METTL15: variants seen among roughly 807,000 people sequenced by gnomAD.
METTL15 encodes the protein methyltransferase 15, mitochondrial 12S rRNA N4-cytidine.
A neutral mutation model predicts 38.3 loss-of-function variants in METTL15; 34 were observed. The observed-to-expected ratio is 0.89, with a 90% CI of 0.68 to 1.18. The LOEUF is 1.18. Ranked by LOEUF, METTL15 falls within the 50% of genes most tolerant of loss-of-function variation. The pLI is 0.00. For synonymous variants in METTL15, 162 were observed against 170.9 expected (o/e 0.95, Z 0.41); for missense variants, 438 against 498.4 (o/e 0.88, Z 1.15).
At chr11:28,196,266 C>T (rs1851905608) in intron 3 of METTL15, among the ~76,000 whole-genome samples, 1 of 151,928 alleles carries the variant, frequency 6.6e-6, no homozygotes. Context: ...ATAGCAGTTG[C>T]ATTTAATATA....
At chr11:28,235,998 TGA>T (rs1485161557) in intron 4 of METTL15, among the ~76,000 whole-genome samples, 1 of 152,048 alleles carries the variant, frequency 6.6e-6, no homozygotes, top group Admixed American at 6.6e-5. Flanking sequence ...CCTAATTTAT[TGA>T]GAGTTTTTAG....
rs183237249 is a variant in METTL15 at position 28,253,485 on chromosome 11, A to G, written c.408-36721A>G. 1.9e-3 allele frequency among the ~76,000 whole-genome samples: 290 copies of G among 152,284 alleles called. 1 individual carries two copies. Among genetic ancestry groups the G allele is most frequent in the African/African-American group, 6.8e-3 (283 of 41,556 alleles). ...CTAATTGTACTCTTTAAGTTATTTT[A>G]AAATATACAATTAAGTTATTGACTA... On this transcript the variant is annotated intron_variant, in intron 4 of 6. Coordinates refer to ENST00000407364, the MANE Select transcript of METTL15 (RefSeq NM_001113528.2).
intron 4 of METTL15, among the ~76,000 whole-genome samples, chr11:28,219,916 G>T (rs1262419965): frequency 6.6e-6 from 1 of 152,118 alleles, no homozygotes; most frequent in Non-Finnish European, 1.5e-5. Context: ...TTGCACTATG[G>T]TCTGAGAGAC....
intron 2 of METTL15, among the ~76,000 whole-genome samples, chr11:28,111,727 A>G (rs1851726604): frequency 6.6e-6 from 1 of 152,218 alleles, no homozygotes; most frequent in African/African-American, 2.4e-5. Context: ...TAATATTTCA[A>G]GAGTCGTGGT....
chr11:28,134,571 G>A (rs970288419), intron 3 of METTL15: 181 of 398,508 alleles, frequency 4.5e-4, no homozygotes, highest in Non-Finnish European at 6.9e-4. Context: ...AAAAGTGGAC[G>A]AAGACCTCTC....
intron 3 of METTL15, among the ~76,000 whole-genome samples, chr11:28,132,041 A>C (rs1319968733): frequency 6.6e-6 from 1 of 152,206 alleles, no homozygotes; most frequent in Non-Finnish European, 1.5e-5. Flanking sequence ...TGTAAAACCC[A>C]TAGTGAAGAT....
chr11:28,207,631 G>C (rs541324931), intron 3 of METTL15, among the ~76,000 whole-genome samples: 1 of 152,266 alleles, frequency 6.6e-6, no homozygotes, highest in South Asian at 2.1e-4. Flanking sequence ...CATAAAATGA[G>C]TTAGGGAGGA....
At chr11:28,347,895 C>T (rs573443823) in intron 3 of METTL15, among the ~76,000 whole-genome samples, 15 of 152,242 alleles carry the variant, frequency 9.9e-5, no homozygotes, top group African/African-American at 3.1e-4. Flanking sequence ...CTTCTTGCAC[C>T]GATACTTTAG....
At chr11:28,351,011 T>G (rs916923199) in intron 3 of METTL15, among the ~76,000 whole-genome samples, 1 of 152,186 alleles carries the variant, frequency 6.6e-6, no homozygotes, top group East Asian at 1.9e-4. Context: ...TAGAATGAGC[T>G]CCATTAATTT....
Position 28,290,359 on chromosome 11 carries a change from G to T in METTL15, c.561G>T (p.Arg187=). ...CTCCTGAAAGAGGTTTTTCCCTTCG[G>T]AAAGATGGCCCTTTGGACATGAGAA... The part of the protein sequence containing the change: ...LDTPERGFSL[R]KDGPLDMRMD... The change falls in exon 5 of 7, where the codon CGG becomes CGT. Residue 187 remains arginine (R), a synonymous_variant. Coordinates refer to ENST00000407364, the MANE Select transcript of METTL15 (RefSeq NM_001113528.2). 1.2e-6 allele frequency: 2 copies of T among 1,613,234 alleles called. No homozygotes were observed. The highest frequency in any genetic ancestry group is 1.7e-6 in the Non-Finnish European group (2 of 1,179,450).
At chr11:28,223,828 A>G (rs1375562997) in intron 4 of METTL15, among the ~76,000 whole-genome samples, 3 of 152,114 alleles carry the variant, frequency 2.0e-5, no homozygotes, top group African/African-American at 7.2e-5. Flanking sequence ...AAGAGGAAAC[A>G]CATTTAACTT....
At chr11:28,431,908 T>G (rs1350208344) in intron 6 of METTL15, among the ~76,000 whole-genome samples, 1 of 150,578 alleles carries the variant, frequency 6.6e-6, no homozygotes, top group East Asian at 2.0e-4. Flanking sequence ...AGAGGCAGAC[T>G]AACAGCTAAT....
intron 6 of METTL15, among the ~76,000 whole-genome samples, chr11:28,492,557 C>T (rs79523870): frequency 2.4e-3 from 363 of 152,080 alleles, no homozygotes; most frequent in African/African-American, 7.7e-3. Flanking sequence ...TACACACACA[C>T]AACATTGAAT....
intron 5 of METTL15, among the ~76,000 whole-genome samples, chr11:28,401,153 G>C (rs12289308): frequency 0.018 from 2,685 of 152,080 alleles, 51 homozygotes; most frequent in African/African-American, 0.051. Flanking sequence ...ACTGATTTCA[G>C]TGGATGTGAG....
intron 3 of METTL15, among the ~76,000 whole-genome samples, chr11:28,206,512 C>T (rs1349800882): frequency 6.6e-6 from 1 of 151,758 alleles, no homozygotes; most frequent in Non-Finnish European, 1.5e-5. Context: ...TTACTGTAGC[C>T]TTGTAGTATA....
rs201854104 is a variant in METTL15 at position 28,216,062 on chromosome 11, AAATGAAAAGAGTT to A, written c.407+4869_407+4881del. On this transcript the variant is annotated intron_variant, in intron 4 of 6. Coordinates refer to ENST00000407364, the MANE Select transcript of METTL15 (RefSeq NM_001113528.2). ...AGGATAGACAGATCAGAAAGAATACAAATGAAAAGAGTTAATGCTCCCTAAATTAATATATACA... is the reference window on the plus strand; with the variant it reads ...AGGATAGACAGATCAGAAAGAATACAAATGCTCCCTAAATTAATATATACA... Among the ~76,000 whole-genome samples the A allele has an allele frequency of 6.8e-3, 1,041 of 152,262 alleles. 7 individuals are homozygous for A. The highest frequency in any genetic ancestry group is 0.023 in the African/African-American group (947 of 41,562).
chr11:28,136,401 T>G (rs1346080844), intron 3 of METTL15, among the ~76,000 whole-genome samples: 1 of 152,164 alleles, frequency 6.6e-6, no homozygotes, highest in Non-Finnish European at 1.5e-5. Context: ...CCTTTGCTTC[T>G]CCTTTGCCTT....
chr11:28,372,950 C>T (rs1358389568), intron 5 of METTL15, among the ~76,000 whole-genome samples: 34 of 151,246 alleles, frequency 2.2e-4, no homozygotes, highest in Admixed American at 2.2e-3. Flanking sequence ...GACATGAACT[C>T]ATCATTTTTT....
intron 5 of METTL15, among the ~76,000 whole-genome samples, chr11:28,406,128 T>G (rs1850671741): frequency 6.6e-6 from 1 of 152,322 alleles, no homozygotes; most frequent in East Asian, 1.9e-4. Context: ...AATAGTTTTT[T>G]TTCTAATTCT....
Sources: allele counts gnomAD v4.1 joint callset (sites outside exome capture counted in the v4.1 genomes callset), GRCh38; gene constraint gnomAD v4.1.1; transcripts MANE v1.5; gene names NCBI Gene and HGNC (gene_info 2026-07-23, HGNC 2026-07-21).